The following ACAN variants were observed in gnomAD, a reference collection of about 807,000 sequenced individuals.
ACAN encodes aggrecan core protein.
A neutral mutation model predicts 169.1 loss-of-function variants in ACAN; 47 were observed. That is an observed-to-expected ratio of 0.28 (90% CI 0.22 to 0.35). The LOEUF (loss-of-function observed/expected upper bound fraction) is 0.35, where lower values mean the gene tolerates loss of function less well. ACAN is among the 10% of genes least tolerant of loss of function. The probability of loss-of-function intolerance (pLI) is 1.00; values close to 1 mark genes in which losing one functional copy is unlikely to be tolerated. For missense variants in ACAN, 2,716 were observed against 2,759.9 expected, an observed-to-expected ratio of 0.98 and a Z score of 0.36; for synonymous variants, 1,115 against 1,112.2, an observed-to-expected ratio of 1.00 and a Z score of -0.05.
intron 1 of ACAN, among the ~76,000 whole-genome samples, chr15:88,812,675 C>CT (rs201552104): frequency 8.7e-4 from 132 of 151,882 alleles, no homozygotes; most frequent in African/African-American, 2.8e-3. Flanking sequence ...TCTTGGGAAG[C>CT]TTTTCTTTTT....
chr15:88,824,831 A>G (rs1011726933), intron 1 of ACAN, among the ~76,000 whole-genome samples: 1 of 151,840 alleles, frequency 6.6e-6, no homozygotes, highest in Non-Finnish European at 1.5e-5. Context: ...GTGAGCCAAG[A>G]TCTGACAGGC....
At chr15:88,847,808 G>A (rs2141587071) in intron 8 of ACAN, 103 bp from the exon 9 acceptor site, 1 of 1,401,784 alleles carries the variant, frequency 7.1e-7, no homozygotes, top group East Asian at 2.4e-5. Flanking sequence ...GACAACTGAA[G>A]ACATCTCCAA....
intron 1 of ACAN, among the ~76,000 whole-genome samples, chr15:88,832,146 ACAGGATTCATG>A (rs982210069): frequency 3.3e-5 from 5 of 152,164 alleles, no homozygotes; most frequent in African/African-American, 1.2e-4. Flanking sequence ...AGCTGTATAT[ACAGGATTCATG>A]CCAGGGAGGT....
intron 1 of ACAN, among the ~76,000 whole-genome samples, chr15:88,824,193 G>A (rs1323183496): frequency 4.0e-5 from 6 of 151,758 alleles, no homozygotes; most frequent in Admixed American, 6.6e-5. Flanking sequence ...GCGTGGTGGC[G>A]GGCACCTGTA....
chr15:88,873,664 G>T lies in ACAN; in HGVS notation c.7448-178G>T. The T allele has an allele frequency of 1.6e-6, 1 of 631,138 alleles. No homozygotes were observed. Among genetic ancestry groups the T allele is most frequent in the East Asian group, 2.8e-5 (1 of 36,276 alleles). 39.1% of individuals were successfully genotyped at this position (631,138 alleles called of 1,614,324 possible). On this transcript the variant is annotated intron_variant, in intron 17 of 18. Transcript: ENST00000560601. The surrounding 1 kb of genome is among the most constrained non-coding windows in gnomAD (Gnocchi z 7.5). ...TATTCCCTTCCTGCTGTTCTAAATT[G>T]TTGAGGAACCCAGATGTTACAGCCA...
At chr15:88,853,145 G>T (rs189973974) in intron 11 of ACAN, among the ~76,000 whole-genome samples, 1 of 152,164 alleles carries the variant, frequency 6.6e-6, no homozygotes, top group Non-Finnish European at 1.5e-5. Flanking sequence ...GTCCTCTTTG[G>T]CATCGGGGTG....
Position 88,871,315 on chromosome 15 carries a change from A to G in ACAN, c.7061-67A>G, listed in dbSNP as rs1897372735. On this transcript the variant is annotated intron_variant, in intron 14 of 18. Coordinates refer to ENST00000560601, the MANE Select transcript of ACAN (RefSeq NM_001369268.1). The surrounding 1 kb of genome is among the most constrained non-coding windows in gnomAD (Gnocchi z 7.8). ...TGAACGCAGGAACCTATGCCATAAGACTGGCAGCATCTGCCATCCCCTGGT... is the reference window on the plus strand; with the variant it reads ...TGAACGCAGGAACCTATGCCATAAGGCTGGCAGCATCTGCCATCCCCTGGT... 1 of 1,596,386 alleles carries G rather than the reference A, an allele frequency of 6.3e-7. No individual in the cohort carries two copies. Among genetic ancestry groups the G allele is most frequent in the Middle Eastern group, 1.7e-4 (1 of 6,016 alleles).
At chr15:88,822,497 G>A (rs981106186) in intron 1 of ACAN, among the ~76,000 whole-genome samples, 24 of 149,936 alleles carry the variant, frequency 1.6e-4, no homozygotes, top group Admixed American at 8.6e-4. Context: ...ATGGAGTTTC[G>A]CTCTTGTTGC....
rs1166457426 is a variant in ACAN, at chr15:88,851,540, A to G, written c.2027-254A>G. On this transcript the variant is annotated intron_variant, in intron 10 of 18. Transcript: ENST00000560601. The surrounding 1 kb of genome is among the most constrained non-coding windows in gnomAD (Gnocchi z 4.3). ...TTTAGATACACAAGGCTTTAGAGCA[A>G]TGCCCGGCATATATGGTCAATTCTG... The G allele has an allele frequency of 2.3e-6, 1 of 440,514 alleles. No homozygotes were observed. Among genetic ancestry groups the G allele is most frequent in the Non-Finnish European group, 4.1e-6 (1 of 245,950 alleles). The allele number at this position is 440,514 out of a possible 1,614,324, so 27.3% of individuals were successfully genotyped here. A position where few individuals can be genotyped will look rare whatever the true frequency, so the allele number is the denominator to read the frequency against.
intron 1 of ACAN, among the ~76,000 whole-genome samples, chr15:88,818,466 G>T (rs893505409): frequency 6.6e-6 from 1 of 152,208 alleles, no homozygotes; most frequent in Non-Finnish European, 1.5e-5. Context: ...AGAGACAAGA[G>T]ACCCAAATTT....
At position 88,874,321 on chromosome 15, in the gene ACAN, G is replaced by A; in HGVS notation, c.7631-84G>A. The A allele has an allele frequency of 1.5e-6, 2 of 1,330,686 alleles. No individual in the cohort carries two copies. Among genetic ancestry groups the A allele is most frequent in the Admixed American group, 2.0e-5 (1 of 50,768 alleles). 82.4% of individuals were successfully genotyped at this position (1,330,686 alleles called of 1,614,324 possible). A position where few individuals can be genotyped will look rare whatever the true frequency, so the allele number is the denominator to read the frequency against. On this transcript the variant is annotated intron_variant, in intron 18 of 18. Transcript: ENST00000560601. The surrounding 1 kb of genome is among the most constrained non-coding windows in gnomAD (Gnocchi z 7.3). ...CCTGAGTCCTGGTTTCCACAAGGGAGAGAGGGTAGTCTGGGGAGAGCCTGG... is the reference window on the plus strand; with the variant it reads ...CCTGAGTCCTGGTTTCCACAAGGGAAAGAGGGTAGTCTGGGGAGAGCCTGG...
intron 1 of ACAN, among the ~76,000 whole-genome samples, chr15:88,806,562 C>G (rs959028068): frequency 6.6e-6 from 1 of 152,152 alleles, no homozygotes; most frequent in African/African-American, 2.4e-5. Flanking sequence ...GTTGGCCAGG[C>G]TGGTCTCGAA....
chr15:88,839,036 C>A lies in ACAN; in HGVS notation c.444C>A (p.Val148=), dbSNP rs371875791. Residue 148 remains valine (V), a synonymous_variant, in exon 3 of 19, where the codon GTC becomes GTA. Coordinates refer to ENST00000560601, the MANE Select transcript of ACAN (RefSeq NM_001369268.1). This position sits in a 1 kb window ranked among gnomAD's most constrained non-coding sequence, Gnocchi z 4.5. The part of the protein sequence containing the change: ...GIEDSEATLE[V]VVKGIVFHYR... ...AGGACAGCGAGGCCACCCTGGAAGTCGTGGTGAAAGGTGAGAGCCTCCCAC... is the reference window on the plus strand; with the variant it reads ...AGGACAGCGAGGCCACCCTGGAAGTAGTGGTGAAAGGTGAGAGCCTCCCAC... 1.5e-5 allele frequency: 24 copies of A among 1,602,930 alleles called. No individual in the cohort carries two copies. Among genetic ancestry groups the A allele is most frequent in the Non-Finnish European group, 1.9e-5 (22 of 1,179,690 alleles).
chr15:88,854,889 A>T lies in ACAN; in HGVS notation c.2304A>T (p.Thr768=). Reference sequence around the variant, plus strand: ...CTTGGCCTCCCACTGGCGCAGCAACAGAGGAAAGTACAGAAGGCCCTTCTG... The same window carrying T: ...CTTGGCCTCCCACTGGCGCAGCAACTGAGGAAAGTACAGAAGGCCCTTCTG... ...LPTWPPTGAA[T]EESTEGPSAT... The change falls in exon 12 of 19, where the codon ACA becomes ACT. Residue 768 remains threonine (T), a synonymous_variant. Coordinates refer to ENST00000560601, the MANE Select transcript of ACAN (RefSeq NM_001369268.1). 1 of 1,526,030 alleles carries T rather than the reference A, an allele frequency of 6.6e-7. No individual in the cohort carries two copies. The highest frequency in any genetic ancestry group is 8.7e-7 in the Non-Finnish European group (1 of 1,143,680). 94.5% of individuals were successfully genotyped at this position (1,526,030 alleles called of 1,614,324 possible).
chr15:88,805,707 A>G (rs917868148), intron 1 of ACAN, among the ~76,000 whole-genome samples: 1 of 152,222 alleles, frequency 6.6e-6, no homozygotes, highest in South Asian at 2.1e-4. Context: ...TAACTGTTTC[A>G]TATTATTAAT....
In ACAN at chr15:88,859,115, T is replaced by C. The variant is rs188663484; in HGVS notation, c.6530T>C (p.Val2177Ala). 9.8e-5 allele frequency: 158 copies of C among 1,613,810 alleles called. No individual in the cohort carries two copies. The East Asian group carries it at 3.3e-3, about 34-fold the overall frequency. The change falls in exon 12 of 19, where the codon GTG becomes GCG. Residue 2177 changes from valine to alanine, a missense_variant. Val to Ala is a moderately conservative substitution (Grantham distance 64). Transcript: ENST00000560601. ...VSGESTTTSD[V>A]GTEAPGLPSA... ...GGAGAATCCACCACCACCAGTGATGTGGGGACAGAGGCACCAGGCTTGCCT... is the reference window on the plus strand; with the variant it reads ...GGAGAATCCACCACCACCAGTGATGCGGGGACAGAGGCACCAGGCTTGCCT...
intron 1 of ACAN, among the ~76,000 whole-genome samples, chr15:88,825,085 T>C (rs1686593190): frequency 6.6e-6 from 1 of 152,082 alleles, no homozygotes; most frequent in Non-Finnish European, 1.5e-5. Context: ...GCTCGTGTGG[T>C]CAAGGCACAG....
chr15:88,862,863 T>C (rs1236013746), intron 13 of ACAN, among the ~76,000 whole-genome samples: 2 of 151,980 alleles, frequency 1.3e-5, no homozygotes, highest in Non-Finnish European at 2.9e-5. Flanking sequence ...CTTGGTGTGG[T>C]GGCGCACCCC....
rs1002148043 is a variant in ACAN at position 88,840,050 on chromosome 15, A to T, written c.493A>T (p.Thr165Ser). ...TTACAGAGCCATCTCTACACGCTAC[A>T]CCCTCGACTTTGACAGGGCGCAGCG... ...FHYRAISTRY[T>S]LDFDRAQRAC... Residue 165 changes from threonine (T) to serine (S), a missense_variant, in exon 4 of 19, where the codon ACC (threonine) becomes TCC (serine). Thr to Ser is a moderately conservative substitution (Grantham distance 58). Coordinates refer to ENST00000560601, the MANE Select transcript of ACAN (RefSeq NM_001369268.1). The T allele has an allele frequency of 2.5e-6, 4 of 1,602,098 alleles. No individual in the cohort carries two copies. In the Admixed American group the frequency reaches 5.1e-5, roughly 21 times the overall value.
Sources: gnomAD v4.1 joint callset for allele counts (sites outside exome capture counted in the v4.1 genomes callset) on GRCh38, gnomAD v4.1.1 for gene constraint, Gnocchi (gnomAD v3.1) non-coding constraint, MANE v1.5 for transcripts, NCBI Gene and HGNC (gene_info 2026-07-23, HGNC 2026-07-21) for gene names.